Variants in RNF212B observed in about 807,000 individuals in gnomAD.
RNF212B encodes ring finger protein 212B.
Under a neutral mutation model 55.5 loss-of-function variants are expected in RNF212B, and 52 were observed. The observed-to-expected ratio is 0.94, with a 90% CI of 0.75 to 1.18. The LOEUF is 1.18. RNF212B is among the 50% of genes most tolerant of loss of function. The probability of loss-of-function intolerance (pLI) is 0.00; values close to 1 mark genes in which losing one functional copy is unlikely to be tolerated. For missense variants in RNF212B, 289 were observed against 350.4 expected (o/e 0.82, Z 1.40); for synonymous variants, 99 against 121.4 (o/e 0.82, Z 1.21).
At chr14:23,225,255 C>CA (rs1881906499) in intron 2 of RNF212B, among the ~76,000 whole-genome samples, 1 of 152,070 alleles carries the variant, frequency 6.6e-6, no homozygotes, top group African/African-American at 2.4e-5. Context: ...GGGGATTCCT[C>CA]AAAAAACTAA....
At chr14:23,262,875 G>C (rs1203809438) in intron 8 of RNF212B, 53 bp from the exon 9 acceptor site, 1 of 1,526,038 alleles carries the variant, frequency 6.6e-7, no homozygotes, top group East Asian at 2.5e-5. Flanking sequence ...GGCCAGGCAA[G>C]GCAGGCATAC....
intron 2 of RNF212B, among the ~76,000 whole-genome samples, chr14:23,217,825 A>G (rs944640999): frequency 6.6e-6 from 1 of 152,070 alleles, no homozygotes; most frequent in Non-Finnish European, 1.5e-5. Context: ...GTTCTCAGAC[A>G]CTGATGAACA....
chr14:23,209,221 G>T (rs1434216097), intron 2 of RNF212B, among the ~76,000 whole-genome samples: 4 of 152,144 alleles, frequency 2.6e-5, no homozygotes, highest in Non-Finnish European at 4.4e-5. Context: ...ACGACCAGAG[G>T]TCACTCTCGT....
intron 4 of RNF212B, among the ~76,000 whole-genome samples, chr14:23,256,101 T>C (rs1216972855): frequency 6.6e-6 from 1 of 152,036 alleles, no homozygotes; most frequent in Non-Finnish European, 1.5e-5. Context: ...GGGGTCTGTT[T>C]ATGCACTTAC....
chr14:23,254,027 C>T (rs969735792), intron 4 of RNF212B, among the ~76,000 whole-genome samples: 1 of 152,030 alleles, frequency 6.6e-6, no homozygotes, highest in Admixed American at 6.6e-5. Flanking sequence ...TCCTGTAATC[C>T]CAACACTTTG....
intron 2 of RNF212B, among the ~76,000 whole-genome samples, chr14:23,242,239 T>TA (rs369432907): frequency 1.3e-5 from 2 of 152,162 alleles, no homozygotes; most frequent in African/African-American, 4.8e-5. Context: ...AAAAGCTGTT[T>TA]ACTATGGTAA....
chr14:23,270,632 C>CT lies in RNF212B; in HGVS notation c.807dup (p.Pro270SerfsTer2). ...GGAGAGCACAACTACACTAGAGAGT[C>CT]TTCCTAGTTTCCAGCTACCAGTCCT... On this transcript the variant is annotated frameshift_variant, in exon 14 of 15. Coordinates refer to ENST00000430154, the MANE Select transcript of RNF212B (RefSeq NM_001282322.3). LOFTEE classifies it high-confidence loss of function. The CT allele has an allele frequency of 6.4e-7, 1 of 1,550,578 alleles. No individual in the cohort carries two copies. Among genetic ancestry groups the CT allele is most frequent in the Non-Finnish European group, 8.7e-7 (1 of 1,146,634 alleles).
intron 2 of RNF212B, among the ~76,000 whole-genome samples, chr14:23,220,533 A>G (rs1421605978): frequency 6.6e-6 from 1 of 151,866 alleles, no homozygotes; most frequent in African/African-American, 2.4e-5. Flanking sequence ...CTCTGTCTCA[A>G]AAAACAAAAC....
chr14:23,212,918 C>A (rs368615633), intron 2 of RNF212B, among the ~76,000 whole-genome samples: 28 of 151,440 alleles, frequency 1.8e-4, no homozygotes, highest in African/African-American at 6.6e-4. Flanking sequence ...TTTTGCCAGC[C>A]TAATAGTAGA....
chr14:23,259,665 A>G (rs930551393), intron 5 of RNF212B: 12 of 336,736 alleles, frequency 3.6e-5, no homozygotes, highest in African/African-American at 2.2e-4. Context: ...TTCCCCTGAA[A>G]TCATACCAAG....
intron 5 of RNF212B, chr14:23,259,363 A>ATTTTTT (rs759972174): frequency 5.3e-5 from 6 of 114,248 alleles, no homozygotes; most frequent in African/African-American, 1.6e-4. Flanking sequence ...TAATTTTTGT[A>ATTTTTT]TTTTTTTTTT....
upstream of RNF212B, among the ~76,000 whole-genome samples, chr14:23,233,041 A>G (rs931463644): frequency 1.3e-5 from 2 of 151,750 alleles, no homozygotes; most frequent in Non-Finnish European, 2.9e-5. Flanking sequence ...GACATAGGAG[A>G]CTCCATTTTG....
chr14:23,203,073 C>T (rs978136343), intron 2 of RNF212B, among the ~76,000 whole-genome samples: 3 of 151,334 alleles, frequency 2.0e-5, no homozygotes, highest in Admixed American at 6.6e-5. Context: ...TTTGGTGTAC[C>T]CATCACCCAA....
chr14:23,202,655 C>T (rs1048345091), intron 2 of RNF212B, among the ~76,000 whole-genome samples: 1 of 152,008 alleles, frequency 6.6e-6, no homozygotes, highest in Non-Finnish European at 1.5e-5. Flanking sequence ...ATCGAGACCA[C>T]CCTGGCTTAC....
rs1351372143 is a variant in RNF212B at position 23,238,016 on chromosome 14, C to CT, written c.-40dup. ...TTCGTGAGGAGAACTGGATGATTTC[C>CT]TGAGATCTGAGGCTTTCTGGAATCA... On this transcript the variant is annotated 5_prime_UTR_variant, in exon 1 of 15. It removes the in-frame stop codon of an upstream open reading frame in the 5' UTR. Transcript: ENST00000430154. Among the ~76,000 whole-genome samples, 2 of 152,202 alleles carry CT rather than the reference C, an allele frequency of 1.3e-5. No individual in the cohort carries two copies. Among genetic ancestry groups the CT allele is most frequent in the Non-Finnish European group, 2.9e-5 (2 of 68,044 alleles).
intron 9 of RNF212B, among the ~76,000 whole-genome samples, chr14:23,263,879 G>A (rs755493700): frequency 2.0e-5 from 3 of 152,164 alleles, no homozygotes; most frequent in Non-Finnish European, 2.9e-5. Flanking sequence ...TTTGAGGTCA[G>A]GAGTTCGAGA....
intron 6 of RNF212B, among the ~76,000 whole-genome samples, chr14:23,260,268 C>CCTT (rs10651792): frequency 0.17 from 26,429 of 152,084 alleles, 3,389 homozygotes; most frequent in African/African-American, 0.37. Flanking sequence ...ACCTCAGGAC[C>CCTT]CTTCCTCTGC....
intron 1 of RNF212B, among the ~76,000 whole-genome samples, chr14:23,238,737 A>AAATAAT (rs34688858): frequency 0.028 from 3,811 of 136,166 alleles, 75 homozygotes; most frequent in Non-Finnish European, 0.033. Context: ...CCCTGTCTCA[A>AAATAAT]AATAATAATA....
intron 2 of RNF212B, 129 bp downstream of exon 2, chr14:23,240,574 G>A: frequency 1.8e-6 from 1 of 544,228 alleles, no homozygotes; most frequent in Non-Finnish European, 3.2e-6. Context: ...AGATACTGTA[G>A]GAAACTGTCA....
Sources: allele counts gnomAD v4.1 joint callset (sites outside exome capture counted in the v4.1 genomes callset), GRCh38; gene constraint gnomAD v4.1.1; transcripts MANE v1.5; gene names NCBI Gene and HGNC (gene_info 2026-07-23, HGNC 2026-07-21).